The following ELAVL4 variants were observed in gnomAD, a reference collection of about 807,000 sequenced individuals.
The protein encoded by ELAVL4 is ELAV-like protein 4.
ELAVL4 carries 1 observed loss-of-function variant against 35.6 expected under a neutral mutation model. The ratio of observed to expected loss-of-function variants is 0.03; its 90% confidence interval spans 0.01 to 0.13. The LOEUF (loss-of-function observed/expected upper bound fraction) is 0.13, where lower values mean the gene tolerates loss of function less well. Among genes scored for constraint, ELAVL4 ranks in the 10% least tolerant of loss-of-function variants. ELAVL4 has a pLI of 1.00. For missense variants in ELAVL4, 267 were observed against 464.9 expected, an observed-to-expected ratio of 0.57 and a Z score of 3.91; for synonymous variants, 156 against 171.0, an observed-to-expected ratio of 0.91 and a Z score of 0.69.
At chr1:50,103,979 C>T (rs1413485659), upstream of ELAVL4, 20 of 1,613,788 alleles carry the variant, frequency 1.2e-5, no homozygotes, top group Non-Finnish European at 1.5e-5. Context: ...GAAAATGAGC[C>T]GGCTACAGTC....
chr1:50,156,869 A>G (rs567733732), intron 2 of ELAVL4, among the ~76,000 whole-genome samples: 3 of 152,208 alleles, frequency 2.0e-5, no homozygotes, highest in Admixed American at 2.0e-4. Flanking sequence ...ATTGTATTCC[A>G]GTAAACCTCA....
chr1:50,049,560 C>T (rs984998825), intron 1 of ELAVL4, among the ~76,000 whole-genome samples: 1 of 152,206 alleles, frequency 6.6e-6, no homozygotes, highest in African/African-American at 2.4e-5. Flanking sequence ...TGCTGCATGA[C>T]ACCACTTGCT....
chr1:50,149,668 C>T (rs951026478), intron 2 of ELAVL4, among the ~76,000 whole-genome samples: 7 of 151,506 alleles, frequency 4.6e-5, no homozygotes, highest in African/African-American at 1.2e-4. Context: ...CTCAGCCTCC[C>T]GAGTAACTGG....
intron 1 of ELAVL4, among the ~76,000 whole-genome samples, chr1:50,094,175 T>C (rs1665615594): frequency 6.6e-6 from 1 of 152,232 alleles, no homozygotes; most frequent in Admixed American, 6.5e-5. Context: ...TGTTAATTTA[T>C]TTAACTATCA....
At chr1:50,084,724 G>T (rs1665160349) in intron 1 of ELAVL4, among the ~76,000 whole-genome samples, 1 of 150,422 alleles carries the variant, frequency 6.6e-6, no homozygotes, top group South Asian at 2.1e-4. Context: ...AGATCTTAAT[G>T]GCTCATTGGT....
chr1:50,061,736 C>T (rs2148478032), intron 1 of ELAVL4, among the ~76,000 whole-genome samples: 1 of 152,270 alleles, frequency 6.6e-6, no homozygotes, highest in East Asian at 1.9e-4. Context: ...AGTACTAAGG[C>T]CTGGCCATTT....
intron 2 of ELAVL4, among the ~76,000 whole-genome samples, chr1:50,155,830 C>T (rs762047372): frequency 2.0e-5 from 3 of 152,202 alleles, no homozygotes; most frequent in Non-Finnish European, 2.9e-5. Flanking sequence ...AAATGTCACT[C>T]TCATATCCTG....
chr1:50,190,485 G>A (rs1454623563), intron 3 of ELAVL4, among the ~76,000 whole-genome samples: 1 of 152,190 alleles, frequency 6.6e-6, no homozygotes, highest in Non-Finnish European at 1.5e-5. Flanking sequence ...AGGTTTCATG[G>A]ACAGGAAACT....
At chr1:50,107,786 C>T (rs1666462795), upstream of ELAVL4, among the ~76,000 whole-genome samples, 1 of 152,138 alleles carries the variant, frequency 6.6e-6, no homozygotes, top group Non-Finnish European at 1.5e-5. Context: ...GCATGAACTT[C>T]TCAGGTAAGC....
In ELAVL4 at chr1:50,147,541, C is replaced by T. The variant is rs150808493; in HGVS notation, c.250+2344C>T. On this transcript the variant is annotated intron_variant, in intron 2 of 6. Transcript: ENST00000371824. The stretch of plus-strand genomic sequence containing the variant: ...GAATTGCTCTAGCGGAGGACCTCCC[C>T]GAGGCCAACATTTGGGGTTAGGTCA... Among the ~76,000 whole-genome samples, 797 of 152,134 alleles carry T rather than the reference C, an allele frequency of 5.2e-3. 5 individuals carry two copies. Among genetic ancestry groups the T allele is most frequent in the Non-Finnish European group, 9.1e-3 (616 of 68,004 alleles).
intron 2 of ELAVL4, among the ~76,000 whole-genome samples, chr1:50,148,435 C>A (rs1674132785): frequency 6.6e-6 from 1 of 152,202 alleles, no homozygotes; most frequent in Non-Finnish European, 1.5e-5. Context: ...GGGGATATAA[C>A]TCAGCCTTTG....
At chr1:50,104,960 G>A (rs1005895491), upstream of ELAVL4, among the ~76,000 whole-genome samples, 1 of 152,142 alleles carries the variant, frequency 6.6e-6, no homozygotes, top group Non-Finnish European at 1.5e-5. Flanking sequence ...GTTCCACTTC[G>A]AGGCAGATCT....
At chr1:50,116,362 A>T (rs1338847205) in intron 1 of ELAVL4, among the ~76,000 whole-genome samples, 1 of 151,884 alleles carries the variant, frequency 6.6e-6, no homozygotes, top group African/African-American at 2.4e-5. Context: ...AGCAGAAATC[A>T]TAGTTACTTT....
At chr1:50,145,788 T>C (rs1056691379) in intron 2 of ELAVL4, among the ~76,000 whole-genome samples, 3 of 152,222 alleles carry the variant, frequency 2.0e-5, no homozygotes, top group African/African-American at 7.2e-5. Context: ...CTGTTCGTTT[T>C]GAAGATACTC....
chr1:50,071,480 T>C (rs1183709648), intron 1 of ELAVL4, among the ~76,000 whole-genome samples: 4 of 152,182 alleles, frequency 2.6e-5, no homozygotes, highest in Non-Finnish European at 5.9e-5. Flanking sequence ...ACAATTTGAC[T>C]AGCCTCAGAG....
upstream of ELAVL4, chr1:50,106,140 C>T: frequency 2.2e-6 from 1 of 454,544 alleles, no homozygotes; most frequent in South Asian, 7.1e-5. Flanking sequence ...TTTGCAGTTT[C>T]AGCCGGCTGC....
At chr1:50,136,763 C>T (rs1255296295) in intron 1 of ELAVL4, among the ~76,000 whole-genome samples, 2 of 152,088 alleles carry the variant, frequency 1.3e-5, no homozygotes, top group African/African-American at 4.8e-5. Flanking sequence ...GTTCTGTGAC[C>T]TTCTTTGGTT....
intron 1 of ELAVL4, among the ~76,000 whole-genome samples, chr1:50,139,893 G>A (rs1672531478): frequency 6.6e-6 from 1 of 152,192 alleles, no homozygotes; most frequent in South Asian, 2.1e-4. Context: ...AATGCATTGA[G>A]TGTGAGTAAT....
In ELAVL4 at chr1:50,075,360, A is replaced by G. The variant is rs148427554; in HGVS notation, c.18+27178A>G. Among the ~76,000 whole-genome samples, 18 of 152,314 alleles carry G rather than the reference A, an allele frequency of 1.2e-4. No individual in the cohort carries two copies. The East Asian group carries it at 3.3e-3, about 28-fold the overall frequency. On this transcript the variant is annotated intron_variant, in intron 1 of 6. Transcript: ENST00000448907. ...AATTTTGAAGCATACATCAAAGTTA[A>G]AGGAATTTTAAAGTGAGCTCCTGTA...
Sources: allele counts gnomAD v4.1 joint callset (sites outside exome capture counted in the v4.1 genomes callset), GRCh38; gene constraint gnomAD v4.1.1; transcripts MANE v1.5; gene names NCBI Gene and HGNC (gene_info 2026-07-23, HGNC 2026-07-21).